The following GDPD5 variants were observed in gnomAD, a reference collection of about 807,000 sequenced individuals.
GDPD5 encodes the protein glycerophosphodiester phosphodiesterase domain containing 5.
In GDPD5, 48 loss-of-function variants were observed where a neutral mutation model predicts 75.1. The ratio of observed to expected loss-of-function variants is 0.64; its 90% confidence interval spans 0.51 to 0.81. GDPD5 has a LOEUF of 0.81. GDPD5 is among the 40% of genes least tolerant of loss of function. GDPD5 has a pLI of 0.00. For synonymous variants in GDPD5, 336 were observed against 339.0 expected (o/e 0.99, Z 0.10); for missense variants, 706 against 822.6 (o/e 0.86, Z 1.73).
chr11:75,482,371 G>A (rs966671576), intron 2 of GDPD5, among the ~76,000 whole-genome samples: 4 of 152,006 alleles, frequency 2.6e-5, no homozygotes, highest in Non-Finnish European at 4.4e-5. Flanking sequence ...CCACTCTCAC[G>A]GCTTTAGTTA....
Position 75,439,961 on chromosome 11 carries a change from G to A in GDPD5, c.1474C>T (p.Pro492Ser), listed in dbSNP as rs199795436. Residue 492 changes from proline to serine, a missense_variant and splice_region_variant, in exon 15 of 17, where the codon CCC becomes TCC. Transcript: ENST00000336898. Reference protein sequence around the residue: ...SQVPSPLWIMPPDEYCLMWVT... With the variant: ...SQVPSPLWIMSPDEYCLMWVT... Reference sequence around the variant, plus strand: ...CACATGAGACAGTACTCGTCCGGGGGCTGTGGACAGACGGCCCGAGGCCAA... The same window carrying A: ...CACATGAGACAGTACTCGTCCGGGGACTGTGGACAGACGGCCCGAGGCCAA... 1.6e-5 allele frequency: 26 copies of A among 1,611,426 alleles called. No homozygotes were observed. Among genetic ancestry groups the A allele is most frequent in the Admixed American group, 6.7e-5 (4 of 59,770 alleles).
chr11:75,444,395 C>A lies in GDPD5; in HGVS notation c.797+18G>T. 1.3e-6 allele frequency: 2 copies of A among 1,590,998 alleles called. No homozygotes were observed. The highest frequency in any genetic ancestry group is 1.7e-5 in the Admixed American group (1 of 59,998). On this transcript the variant is annotated intron_variant, in intron 10 of 16. Transcript: ENST00000336898. ...TGTGGGAGGGGTAGAGGAACTATCT[C>A]CCCTCCGCTACACCTACCTGATGGT... is the stretch of plus-strand genomic sequence containing the variant.
At chr11:75,472,207 T>C (rs1314654521) in intron 3 of GDPD5, among the ~76,000 whole-genome samples, 1 of 152,094 alleles carries the variant, frequency 6.6e-6, no homozygotes, top group Non-Finnish European at 1.5e-5. Context: ...GGTCTGGGCC[T>C]GACCTGAGAT....
intron 9 of GDPD5, chr11:75,448,663 C>T: frequency 1.8e-6 from 2 of 1,093,006 alleles, no homozygotes; most frequent in Non-Finnish European, 2.2e-6. Context: ...GTGGCAGACC[C>T]CAGGCCCCAC....
chr11:75,508,895 C>G (rs976256423), intron 1 of GDPD5: 1 of 152,298 alleles, frequency 6.6e-6, no homozygotes, highest in African/African-American at 2.4e-5. Flanking sequence ...AGCACCTACC[C>G]TGGGCAGGTG....
intron 6 of GDPD5, chr11:75,455,448 C>T: frequency 4.5e-6 from 2 of 449,244 alleles, no homozygotes; most frequent in Non-Finnish European, 9.0e-6. Context: ...GGGTCTGACT[C>T]CCAAGCTCCA....
At chr11:75,456,880 C>T (rs371336961) in intron 5 of GDPD5, 64 bp from the exon 6 acceptor site, 2 of 1,508,246 alleles carry the variant, frequency 1.3e-6, no homozygotes, top group Non-Finnish European at 9.2e-7. Flanking sequence ...GCCAGTTTCT[C>T]AGACACCCTG....
chr11:75,447,102 C>A (rs984148151), intron 9 of GDPD5, among the ~76,000 whole-genome samples: 1 of 152,094 alleles, frequency 6.6e-6, no homozygotes, highest in African/African-American at 2.4e-5. Context: ...AGGCTGGTCT[C>A]GAACTCCTGA....
At chr11:75,502,130 G>A (rs545510575) in intron 1 of GDPD5, among the ~76,000 whole-genome samples, 29 of 152,144 alleles carry the variant, frequency 1.9e-4, no homozygotes, top group Non-Finnish European at 2.9e-4. Context: ...AACCCTACAC[G>A]CAAAACTTTT....
chr11:75,469,539 C>G (rs1184674928), intron 3 of GDPD5, among the ~76,000 whole-genome samples: 1 of 152,200 alleles, frequency 6.6e-6, no homozygotes, highest in Non-Finnish European at 1.5e-5. Context: ...GTAAATTATC[C>G]TTGTCTGACC....
In GDPD5 at chr11:75,461,564, C is replaced by T. The variant is rs145158760; in HGVS notation, c.221+1222G>A. Among the ~76,000 whole-genome samples, 349 of 152,326 alleles carry T rather than the reference C, an allele frequency of 2.3e-3. 2 individuals carry two copies. The highest frequency in any genetic ancestry group is 0.01 in the Middle Eastern group (3 of 294). On this transcript the variant is annotated intron_variant, in intron 4 of 16. Coordinates refer to ENST00000336898, the MANE Select transcript of GDPD5 (RefSeq NM_030792.8). ...CAGAAGCCCAGGGTCCTGAAAATCC[C>T]AAATGCTAACATCATGCTGCCTTCC...
chr11:75,443,223 C>T lies in GDPD5; in HGVS notation c.861G>A (p.Glu287=). ...TTLRRTTNVE[E]EFPELARRPA... ...GCCTGCGGGCCAGCTCCGGGAACTC[C>T]TCCTCCACGTTGGTGGTGCGCCGCA... The change falls in exon 11 of 17, where the codon GAG becomes GAA. Residue 287 remains glutamate, a synonymous_variant. Coordinates refer to ENST00000336898, the MANE Select transcript of GDPD5 (RefSeq NM_030792.8). 1 of 1,608,244 alleles carries T rather than the reference C, an allele frequency of 6.2e-7. No homozygotes were observed. The highest frequency in any genetic ancestry group is 8.5e-7 in the Non-Finnish European group (1 of 1,178,008).
chr11:75,462,945 GCCTCCCACCAGAATGTGTCCTCCTC>G (rs1321071016), intron 3 of GDPD5, 56 bp from the exon 4 acceptor site: 19 of 1,405,166 alleles, frequency 1.4e-5, no homozygotes, highest in Middle Eastern at 2.3e-4. Flanking sequence ...CCCTTAGGCT[GCCTCCCACCAGAATGTGTCCTCCTC>G]CCTCCCACTT....
At chr11:75,510,540 C>T (rs1263555907) in intron 1 of GDPD5, among the ~76,000 whole-genome samples, 3 of 152,230 alleles carry the variant, frequency 2.0e-5, no homozygotes, top group Non-Finnish European at 4.4e-5. Flanking sequence ...TCTGCTCCCA[C>T]ATCCACAGGC....
At chr11:75,520,051 G>A (rs749682881) in intron 1 of GDPD5, among the ~76,000 whole-genome samples, 3 of 152,118 alleles carry the variant, frequency 2.0e-5, no homozygotes, top group African/African-American at 7.2e-5. Flanking sequence ...AACCTAGCTC[G>A]GGACCCTTCC....
intron 1 of GDPD5, among the ~76,000 whole-genome samples, chr11:75,494,962 A>G (rs536734422): frequency 3.4e-4 from 51 of 151,502 alleles, no homozygotes; most frequent in Non-Finnish European, 5.7e-4. Flanking sequence ...AACAACAACA[A>G]CAACAACAAA....
intron 12 of GDPD5, 29 bp downstream of exon 12, chr11:75,442,334 G>T: frequency 6.6e-7 from 1 of 1,507,176 alleles, no homozygotes; most frequent in Non-Finnish European, 9.0e-7. Flanking sequence ...CAGGGCTCCC[G>T]GGGGCAGAGC....
chr11:75,497,977 G>T (rs979341718), intron 1 of GDPD5, among the ~76,000 whole-genome samples: 1 of 152,158 alleles, frequency 6.6e-6, no homozygotes, highest in Non-Finnish European at 1.5e-5. Flanking sequence ...TACAAAATGG[G>T]TTACAAACAT....
rs145619291 is a variant in GDPD5 at position 75,519,551 on chromosome 11, G to C, written c.-145+5659C>G. On this transcript the variant is annotated intron_variant, in intron 1 of 16. Transcript: ENST00000336898. ...GATCATAACAGCTAACCTGCACTGAGTGCTCATTATGTGCTGGGCATTTTT... is the reference window on the plus strand; with the variant it reads ...GATCATAACAGCTAACCTGCACTGACTGCTCATTATGTGCTGGGCATTTTT... Among the ~76,000 whole-genome samples, 1,426 of 152,326 alleles carry C rather than the reference G, an allele frequency of 9.4e-3. 21 individuals are homozygous for C. Among genetic ancestry groups the C allele is most frequent in the African/African-American group, 0.03 (1,258 of 41,550 alleles).
Sources: gnomAD v4.1 joint callset for allele counts (sites outside exome capture counted in the v4.1 genomes callset) on GRCh38, gnomAD v4.1.1 for gene constraint, MANE v1.5 for transcripts, NCBI Gene and HGNC (gene_info 2026-07-23, HGNC 2026-07-21) for gene names.